Variants in DOCK3 observed in about 807,000 individuals in gnomAD.
DOCK3 encodes dedicator of cytokinesis 3.
In DOCK3, 60 loss-of-function variants were observed where a neutral mutation model predicts 265.6. That is an observed-to-expected ratio of 0.23 (90% CI 0.18 to 0.28). DOCK3 has a LOEUF of 0.28. DOCK3 is among the 10% of genes least tolerant of loss of function. DOCK3 has a pLI of 1.00. For missense variants in DOCK3, 1,981 were observed against 2,594.3 expected (o/e 0.76, Z 5.14); for synonymous variants, 881 against 938.0 (o/e 0.94, Z 1.11).
intron 2 of DOCK3, among the ~76,000 whole-genome samples, chr3:50,833,987 C>T (rs2045353684): frequency 6.6e-6 from 1 of 152,052 alleles, no homozygotes; most frequent in African/African-American, 2.4e-5. Context: ...TTTCTTGACT[C>T]TGTAAAACAA....
chr3:50,732,486 C>T (rs757876415), intron 1 of DOCK3, among the ~76,000 whole-genome samples: 3 of 152,156 alleles, frequency 2.0e-5, no homozygotes, highest in Non-Finnish European at 2.9e-5. Flanking sequence ...CTCACAGTAA[C>T]CTTGAACCCC....
intron 12 of DOCK3, among the ~76,000 whole-genome samples, chr3:51,198,353 T>G (rs9864574): frequency 6.6e-6 from 1 of 152,126 alleles, no homozygotes; most frequent in Non-Finnish European, 1.5e-5. Context: ...TCTTTGAACA[T>G]GGTTTGTGAA....
chr3:51,251,139 G>A (rs544966793), intron 22 of DOCK3, among the ~76,000 whole-genome samples: 2 of 152,190 alleles, frequency 1.3e-5, no homozygotes, highest in East Asian at 1.9e-4. Context: ...CTGTCCTTGC[G>A]ATAGTTTGCT....
intron 21 of DOCK3, among the ~76,000 whole-genome samples, chr3:51,244,916 A>G (rs2078757480): frequency 6.6e-6 from 1 of 152,228 alleles, no homozygotes; most frequent in South Asian, 2.1e-4. Flanking sequence ...TTTTTCCATG[A>G]GAAACATTCG....
intron 23 of DOCK3, among the ~76,000 whole-genome samples, chr3:51,263,762 G>T (rs1000685864): frequency 6.6e-6 from 1 of 152,132 alleles, no homozygotes; most frequent in Admixed American, 6.6e-5. Flanking sequence ...AAAAGCATGG[G>T]TTGCAATCCT....
At chr3:51,345,769 C>G (rs1252815674) in intron 38 of DOCK3, among the ~76,000 whole-genome samples, 16 of 152,190 alleles carry the variant, frequency 1.1e-4, no homozygotes, top group Non-Finnish European at 4.4e-5. Context: ...AAAATGTACT[C>G]TTTTGAGAAA....
chr3:50,921,592 G>A (rs979724967), intron 4 of DOCK3, among the ~76,000 whole-genome samples: 7 of 152,114 alleles, frequency 4.6e-5, no homozygotes, highest in Admixed American at 1.3e-4. Flanking sequence ...TTGTTCCGTT[G>A]CTAGCGAGGA....
At chr3:50,698,379 C>G (rs2035773227) in intron 1 of DOCK3, among the ~76,000 whole-genome samples, 1 of 151,734 alleles carries the variant, frequency 6.6e-6, no homozygotes, top group African/African-American at 2.4e-5. Context: ...GAATAATATT[C>G]TATTATATGG....
At chr3:51,112,466 C>T (rs1009732744) in intron 9 of DOCK3, among the ~76,000 whole-genome samples, 1 of 152,128 alleles carries the variant, frequency 6.6e-6, no homozygotes, top group Non-Finnish European at 1.5e-5. Context: ...ATTAATTCTG[C>T]ATCATGATAT....
intron 5 of DOCK3, among the ~76,000 whole-genome samples, chr3:50,964,693 G>A (rs992419270): frequency 5.9e-5 from 9 of 152,096 alleles, no homozygotes; most frequent in African/African-American, 2.2e-4. Flanking sequence ...ACAGGAGGTA[G>A]ATGAAATAGT....
At chr3:50,743,926 C>T (rs1360969048) in intron 1 of DOCK3, among the ~76,000 whole-genome samples, 1 of 152,168 alleles carries the variant, frequency 6.6e-6, no homozygotes, top group Admixed American at 6.5e-5. Context: ...TCCAATTTCT[C>T]CACATTCTTA....
At chr3:50,813,099 A>G (rs1301549229) in intron 2 of DOCK3, among the ~76,000 whole-genome samples, 1 of 152,236 alleles carries the variant, frequency 6.6e-6, no homozygotes, top group Non-Finnish European at 1.5e-5. Flanking sequence ...GAAGACATCC[A>G]CAGAATTGTT....
intron 5 of DOCK3, among the ~76,000 whole-genome samples, chr3:50,989,960 A>T (rs1020895602): frequency 6.6e-6 from 1 of 152,222 alleles, no homozygotes; most frequent in African/African-American, 2.4e-5. Flanking sequence ...AAAGAACCTA[A>T]TGGGTCTGAC....
chr3:51,087,655 T>G (rs560745003), intron 7 of DOCK3, among the ~76,000 whole-genome samples: 31 of 152,254 alleles, frequency 2.0e-4, no homozygotes, highest in African/African-American at 7.0e-4. Flanking sequence ...GAGAAAGAAA[T>G]AAAAGGCATT....
chr3:50,747,425 T>C (rs2039514860), intron 1 of DOCK3, among the ~76,000 whole-genome samples: 1 of 152,242 alleles, frequency 6.6e-6, no homozygotes, highest in Admixed American at 6.5e-5. Context: ...ATGGAGTCTT[T>C]TGACCAAGGT....
intron 1 of DOCK3, among the ~76,000 whole-genome samples, chr3:50,714,886 C>T (rs1026822420): frequency 7.9e-5 from 12 of 152,144 alleles, no homozygotes; most frequent in African/African-American, 2.9e-4. Flanking sequence ...CCATTTTTGC[C>T]TTACTCCTAT....
chr3:50,822,669 A>C (rs2044513705), intron 2 of DOCK3, among the ~76,000 whole-genome samples: 1 of 149,570 alleles, frequency 6.7e-6, no homozygotes, highest in South Asian at 2.1e-4. Flanking sequence ...GCTAATTTTT[A>C]AATTTTTTTC....
At chr3:51,158,308 G>A (rs949906502) in intron 10 of DOCK3, among the ~76,000 whole-genome samples, 13 of 152,190 alleles carry the variant, frequency 8.5e-5, no homozygotes, top group African/African-American at 3.1e-4. Flanking sequence ...CACTTTGGGA[G>A]GCTGAGGCAG....
chr3:51,288,387 G>A (rs1259289541), intron 27 of DOCK3, among the ~76,000 whole-genome samples: 42 of 77,902 alleles, frequency 5.4e-4, no homozygotes, highest in South Asian at 1.7e-3. Context: ...GTGAGACTCC[G>A]TCTCAAAAAA....
Sources: gnomAD v4.1 joint callset for allele counts (sites outside exome capture counted in the v4.1 genomes callset) on GRCh38, gnomAD v4.1.1 for gene constraint, MANE v1.5 for transcripts, NCBI Gene and HGNC (gene_info 2026-07-23, HGNC 2026-07-21) for gene names.